CYSLTR1: variants seen among roughly 807,000 people sequenced by gnomAD.
CYSLTR1 encodes the protein G-protein coupled receptor HG55.
CYSLTR1 carries 1 observed loss-of-function variant against 2.1 expected under a neutral mutation model. The observed-to-expected ratio is 0.48, with a 90% confidence interval of 0.17 to 2.28. The LOEUF is 2.28. Among genes scored for constraint, CYSLTR1 ranks in the 30% most tolerant of loss-of-function variants. The pLI is 0.26. For missense variants in CYSLTR1, 299 were observed against 250.1 expected (o/e 1.20, Z -1.32); for synonymous variants, 110 against 89.6 (o/e 1.23, Z -1.28).
intron 2 of CYSLTR1, among the ~76,000 whole-genome samples, chrX:78,278,184 C>T (rs1921683059): frequency 9.0e-6 from 1 of 111,649 alleles, no homozygotes; most frequent in African/African-American, 3.3e-5. Context: ...TCTCAGAGCT[C>T]AAAGATCAGT....
At chrX:78,296,544 C>G (rs1264868521) in intron 1 of CYSLTR1, among the ~76,000 whole-genome samples, 1 of 111,724 alleles carries the variant, frequency 9.0e-6, no homozygotes, top group Non-Finnish European at 1.9e-5. Flanking sequence ...AAATATCTTT[C>G]TATTTTTTGG....
chrX:78,281,335 C>T (rs1460934571), intron 2 of CYSLTR1, among the ~76,000 whole-genome samples: 8 of 109,095 alleles, frequency 7.3e-5, no homozygotes, highest in Non-Finnish European at 1.1e-4. Flanking sequence ...GGCACAATCT[C>T]GGCTCACTGC....
chrX:78,272,304 G>T lies in CYSLTR1; in HGVS notation c.*429C>A, dbSNP rs1421761831. ...TCTCATCTGATGGCATGCATGCAAA[G>T]GAATATGTTAGAATGATTCAGAACT... On this transcript the variant is annotated 3_prime_UTR_variant, in exon 3 of 3. Transcript: ENST00000373304. 1 of 112,606 alleles carries T rather than the reference G, an allele frequency of 8.9e-6. No individual in the cohort carries two copies. The highest frequency in any genetic ancestry group is 1.9e-5 in the Non-Finnish European group (1 of 53,776). 9.3% of individuals were successfully genotyped at this position (112,606 alleles called of 1,213,427 possible). A position where few individuals can be genotyped will look rare whatever the true frequency, so the allele number is the denominator to read the frequency against.
At chrX:78,287,816 C>T (rs1922136380) in intron 1 of CYSLTR1, among the ~76,000 whole-genome samples, 1 of 110,965 alleles carries the variant, frequency 9.0e-6, no homozygotes, top group Admixed American at 9.6e-5. Context: ...GGAGAAATTA[C>T]AAAGGGGATA....
Position 78,273,259 on chromosome X carries a change from G to A in CYSLTR1, c.488C>T (p.Pro163Leu), listed in dbSNP as rs774459855. The change falls in exon 3 of 3, where the codon CCA becomes CTA. Residue 163 changes from proline to leucine, a missense_variant. By Grantham distance (98) the Pro-to-Leu change is moderately conservative. Transcript: ENST00000373304. The stretch of plus-strand genomic sequence containing the variant: ...GGTATTATTTTTCTCATCTTTTTGT[G>A]GTTTGGCCATTAGAAATGGAGAACT... ...LTSSPFLMAK[P>L]QKDEKNNTKC... 5.0e-6 allele frequency: 6 copies of A among 1,209,584 alleles called. No homozygotes were observed. In the South Asian group the frequency reaches 7.1e-5, roughly 14 times the overall value.
chrX:78,302,744 C>A (rs2147266475), intron 1 of CYSLTR1, among the ~76,000 whole-genome samples: 1 of 110,961 alleles, frequency 9.0e-6, no homozygotes, highest in Non-Finnish European at 1.9e-5. Context: ...GGCCTCACGA[C>A]TCTGACTGGT....
intron 1 of CYSLTR1, among the ~76,000 whole-genome samples, chrX:78,286,925 C>T (rs1198258248): frequency 9.0e-6 from 1 of 110,690 alleles, no homozygotes; most frequent in Non-Finnish European, 1.9e-5. Context: ...GATATTGAGC[C>T]CCTTTTCATG....
intron 1 of CYSLTR1, among the ~76,000 whole-genome samples, chrX:78,324,636 GA>G (rs1430732601): frequency 8.9e-6 from 1 of 111,997 alleles, no homozygotes; most frequent in Non-Finnish European, 1.9e-5. Flanking sequence ...AAAGTGCTGG[GA>G]TTACAGGCAT....
chrX:78,273,757 G>A lies in CYSLTR1; in HGVS notation c.-11C>T, dbSNP rs752549970. ...TCCTGTTTCATCCATGTTTCTCTAC[G>A]AATGTCTGCTTTGTGCCTATAATAA... On this transcript the variant is annotated 5_prime_UTR_variant, in exon 3 of 3. Transcript: ENST00000373304. 5.6e-5 allele frequency: 66 copies of A among 1,181,415 alleles called. No individual in the cohort carries two copies. The South Asian group carries it at 7.5e-4, about 13-fold the overall frequency.
chrX:78,324,492 C>T (rs1057014639), intron 1 of CYSLTR1, among the ~76,000 whole-genome samples: 3 of 111,456 alleles, frequency 2.7e-5, no homozygotes, highest in Non-Finnish European at 3.8e-5. Context: ...CTCAGCCTCT[C>T]GAGTAGCTGG....
chrX:78,276,921 G>A (rs1344886298), intron 2 of CYSLTR1, among the ~76,000 whole-genome samples: 1 of 110,997 alleles, frequency 9.0e-6, no homozygotes, highest in Non-Finnish European at 1.9e-5. Flanking sequence ...GCAGCTCCTG[G>A]GGAAGAGATG....
chrX:78,300,792 T>C (rs1922786721), intron 1 of CYSLTR1, among the ~76,000 whole-genome samples: 1 of 112,691 alleles, frequency 8.9e-6, no homozygotes, highest in African/African-American at 3.2e-5. Flanking sequence ...TTATGAAATA[T>C]GATGTTTTTC....
At chrX:78,305,177 T>C (rs1216978562) in intron 1 of CYSLTR1, among the ~76,000 whole-genome samples, 1 of 112,296 alleles carries the variant, frequency 8.9e-6, no homozygotes, top group Non-Finnish European at 1.9e-5. Context: ...ATTTTGGTTC[T>C]TGGGCCCTTA....
At chrX:78,280,529 G>T (rs897257973) in intron 2 of CYSLTR1, among the ~76,000 whole-genome samples, 6 of 106,789 alleles carry the variant, frequency 5.6e-5, no homozygotes, top group Non-Finnish European at 9.7e-5. Flanking sequence ...GTGTGTTGGG[G>T]GGGGGGTAAG....
intron 1 of CYSLTR1, among the ~76,000 whole-genome samples, chrX:78,301,192 C>T (rs745936503): frequency 1.8e-5 from 2 of 112,401 alleles, no homozygotes; most frequent in Non-Finnish European, 3.8e-5. Flanking sequence ...AGGTCTCTGA[C>T]ATGCTCTAGA....
intron 1 of CYSLTR1, among the ~76,000 whole-genome samples, chrX:78,290,465 G>T (rs898568395): frequency 3.6e-5 from 4 of 111,734 alleles, no homozygotes; most frequent in Non-Finnish European, 7.5e-5. Context: ...GGTTCCATAT[G>T]AACTTTAAAG....
At chrX:78,279,461 C>T (rs1035990015) in intron 2 of CYSLTR1, among the ~76,000 whole-genome samples, 5 of 111,009 alleles carry the variant, frequency 4.5e-5, no homozygotes, top group African/African-American at 1.3e-4. Context: ...TAGATGTCGG[C>T]GAGTTTGCAA....
chrX:78,323,588 C>A (rs1283701078), intron 1 of CYSLTR1, among the ~76,000 whole-genome samples: 1 of 111,911 alleles, frequency 8.9e-6, no homozygotes, highest in Non-Finnish European at 1.9e-5. Context: ...ACAAAGACAA[C>A]CCTTTGTAGA....
At chrX:78,315,916 A>G (rs1301016077) in intron 1 of CYSLTR1, among the ~76,000 whole-genome samples, 2 of 111,956 alleles carry the variant, frequency 1.8e-5, no homozygotes, top group African/African-American at 3.2e-5. Context: ...GTAAACATAG[A>G]CAGTAGCCAG....
Sources: gnomAD v4.1 joint callset for allele counts (sites outside exome capture counted in the v4.1 genomes callset) on GRCh38, gnomAD v4.1.1 for gene constraint, MANE v1.5 for transcripts, NCBI Gene and HGNC (gene_info 2026-07-23, HGNC 2026-07-21) for gene names.